Variants in ROBO1 observed in about 807,000 individuals in gnomAD.
ROBO1 encodes roundabout guidance receptor 1, also known as roundabout homolog 1.
Under a neutral mutation model 195.9 loss-of-function variants are expected in ROBO1, and 149 were observed. That is an observed-to-expected ratio of 0.76 (90% CI 0.67 to 0.87). The LOEUF (loss-of-function observed/expected upper bound fraction) is 0.87, where lower values mean the gene tolerates loss of function less well. Among genes scored for constraint, ROBO1 ranks in the 40% least tolerant of loss-of-function variants. The pLI, the probability that ROBO1 is intolerant of heterozygous loss-of-function variation, is 0.00. For synonymous variants in ROBO1, 816 were observed against 733.2 expected, an observed-to-expected ratio of 1.11 and a Z score of -1.82; for missense variants, 1,933 against 2,068.3, an observed-to-expected ratio of 0.93 and a Z score of 1.27.
intron 2 of ROBO1, among the ~76,000 whole-genome samples, chr3:79,534,366 G>C (rs1941775796): frequency 6.6e-6 from 1 of 151,990 alleles, no homozygotes; most frequent in Admixed American, 6.6e-5. Context: ...TCTATGTAGA[G>C]AGCATAGTTG....
At chr3:78,909,205 C>T (rs2038100481) in intron 4 of ROBO1, among the ~76,000 whole-genome samples, 2 of 151,362 alleles carry the variant, frequency 1.3e-5, no homozygotes, top group Admixed American at 1.3e-4. Flanking sequence ...CTCCAGTTGG[C>T]CTACATATAT....
chr3:78,990,664 C>T (rs866076544), intron 3 of ROBO1, among the ~76,000 whole-genome samples: 1 of 152,182 alleles, frequency 6.6e-6, no homozygotes, highest in South Asian at 2.1e-4. Context: ...TATGTATATT[C>T]TTTCTCAAAT....
intron 1 of ROBO1, among the ~76,000 whole-genome samples, chr3:79,629,339 C>G (rs1291005562): frequency 6.6e-6 from 1 of 151,980 alleles, no homozygotes; most frequent in African/African-American, 2.4e-5. Context: ...GAAATGAATA[C>G]CAAGAGGAAC....
chr3:78,892,507 G>A (rs1235389401), intron 4 of ROBO1, among the ~76,000 whole-genome samples: 4 of 152,194 alleles, frequency 2.6e-5, no homozygotes, highest in Admixed American at 1.3e-4. Context: ...GCTGCATTGT[G>A]ATGTGTAGAG....
At chr3:79,077,767 A>G (rs1331413389) in intron 3 of ROBO1, among the ~76,000 whole-genome samples, 1 of 151,898 alleles carries the variant, frequency 6.6e-6, no homozygotes, top group Non-Finnish European at 1.5e-5. Flanking sequence ...AAAAGTCATA[A>G]AAAGAGAAGT....
chr3:79,519,987 G>A (rs1559960627), intron 2 of ROBO1, among the ~76,000 whole-genome samples: 1 of 151,848 alleles, frequency 6.6e-6, no homozygotes, highest in Non-Finnish European at 1.5e-5. Flanking sequence ...GAAAAGCCCC[G>A]CTGTGTAGAA....
At chr3:79,573,719 TA>T (rs1207243665) in intron 2 of ROBO1, among the ~76,000 whole-genome samples, 1 of 152,182 alleles carries the variant, frequency 6.6e-6, no homozygotes, top group Admixed American at 6.6e-5. Flanking sequence ...GTTCATTTTT[TA>T]ATTTCTGCAG....
At chr3:78,897,838 C>G (rs1425304395) in intron 4 of ROBO1, among the ~76,000 whole-genome samples, 1 of 151,776 alleles carries the variant, frequency 6.6e-6, no homozygotes, top group African/African-American at 2.4e-5. Context: ...TTGAGTTGTA[C>G]CAAAAAGATG....
chr3:78,637,132 G>A (rs979626808), intron 22 of ROBO1, among the ~76,000 whole-genome samples: 3 of 143,974 alleles, frequency 2.1e-5, no homozygotes, highest in African/African-American at 8.3e-5. Context: ...CAAGTCACCT[G>A]TAGCATTGGT....
chr3:79,082,995 T>C (rs967723289), intron 3 of ROBO1, among the ~76,000 whole-genome samples: 16 of 152,154 alleles, frequency 1.1e-4, no homozygotes, highest in Admixed American at 9.8e-4. Context: ...ATACACAAAT[T>C]GGGAAATGGC....
At chr3:79,587,776 G>A (rs1485665371) in intron 2 of ROBO1, among the ~76,000 whole-genome samples, 3 of 151,624 alleles carry the variant, frequency 2.0e-5, no homozygotes, top group South Asian at 4.1e-4. Flanking sequence ...TCATCATTCT[G>A]AGATTAATGA....
At chr3:78,603,266 C>T (rs1258050034) in intron 29 of ROBO1, among the ~76,000 whole-genome samples, 1 of 152,040 alleles carries the variant, frequency 6.6e-6, no homozygotes, top group African/African-American at 2.4e-5. Flanking sequence ...CTTACAGTTC[C>T]CTCAATAGAC....
intron 4 of ROBO1, among the ~76,000 whole-genome samples, chr3:78,901,434 G>A (rs2107472958): frequency 6.6e-6 from 1 of 152,194 alleles, no homozygotes; most frequent in South Asian, 2.1e-4. Context: ...ATGCCTTAAA[G>A]ACATTTTACT....
At chr3:79,065,424 G>A (rs912636442) in intron 3 of ROBO1, among the ~76,000 whole-genome samples, 4 of 151,924 alleles carry the variant, frequency 2.6e-5, no homozygotes, top group Non-Finnish European at 4.4e-5. Flanking sequence ...AGCATCCTTA[G>A]TGTCAGGCTT....
intron 3 of ROBO1, among the ~76,000 whole-genome samples, chr3:79,025,268 C>G (rs927353528): frequency 4.6e-4 from 70 of 152,170 alleles, no homozygotes; most frequent in African/African-American, 1.5e-3. Flanking sequence ...CTCAGAGAGG[C>G]TTTATCTGTC....
chr3:79,630,595 C>T (rs1945308994), intron 1 of ROBO1, among the ~76,000 whole-genome samples: 2 of 152,020 alleles, frequency 1.3e-5, no homozygotes. Flanking sequence ...AGGATGCTCA[C>T]TTTCAACACT....
At chr3:79,616,861 T>C (rs1319970206) in intron 1 of ROBO1, among the ~76,000 whole-genome samples, 2 of 152,134 alleles carry the variant, frequency 1.3e-5, no homozygotes, top group African/African-American at 4.8e-5. Flanking sequence ...GTTGTGCTCA[T>C]GTCCCACTCC....
At chr3:79,313,899 CACTT>C (rs1185200156) in intron 2 of ROBO1, among the ~76,000 whole-genome samples, 1 of 152,110 alleles carries the variant, frequency 6.6e-6, no homozygotes, top group Non-Finnish European at 1.5e-5. Flanking sequence ...GAAAACTAGA[CACTT>C]GAGGCAAGCA....
At chr3:79,203,430 T>C (rs1559732737) in intron 2 of ROBO1, among the ~76,000 whole-genome samples, 1 of 152,184 alleles carries the variant, frequency 6.6e-6, no homozygotes, top group East Asian at 1.9e-4. Context: ...GAACTTTCCT[T>C]TCTGTTAAAC....
Sources: gnomAD v4.1 joint callset for allele counts (sites outside exome capture counted in the v4.1 genomes callset) on GRCh38, gnomAD v4.1.1 for gene constraint, MANE v1.5 for transcripts, NCBI Gene and HGNC (gene_info 2026-07-23, HGNC 2026-07-21) for gene names.